The following TENM1 variants were observed in gnomAD, a reference collection of about 807,000 sequenced individuals.
The protein encoded by TENM1 is teneurin transmembrane protein 1.
Under a neutral mutation model 174.8 loss-of-function variants are expected in TENM1, and 35 were observed. The ratio of observed to expected loss-of-function variants is 0.20; its 90% CI spans 0.15 to 0.27. TENM1 has a LOEUF of 0.27. TENM1 is among the 10% of genes least tolerant of loss of function. The probability of loss-of-function intolerance (pLI) is 1.00; values close to 1 mark genes in which losing one functional copy is unlikely to be tolerated. For missense variants in TENM1, 1,633 were observed against 2,130.1 expected (o/e 0.77, Z 4.59); for synonymous variants, 781 against 798.7 (o/e 0.98, Z 0.37).
intron 6 of TENM1, among the ~76,000 whole-genome samples, chrX:124,662,325 G>C (rs772982225): frequency 9.2e-6 from 1 of 108,670 alleles, no homozygotes; most frequent in Non-Finnish European, 1.9e-5. Context: ...GTGGTGGTGC[G>C]CGCCTGTAAT....
chrX:125,138,780 C>T, the TENM1 span, among the ~76,000 whole-genome samples: 3 of 110,480 alleles, frequency 2.7e-5, no homozygotes, highest in Non-Finnish European at 5.7e-5. Context: ...CCAGTCTGCA[C>T]ATTTAAAATA....
chrX:124,674,360 C>T (rs1282677245), intron 5 of TENM1, among the ~76,000 whole-genome samples: 1 of 93,851 alleles, frequency 1.1e-5, no homozygotes, highest in East Asian at 3.7e-4. Context: ...TTTCGTATTT[C>T]TCTTTGTGTT....
At chrX:124,402,883 A>G in intron 27 of TENM1, among the ~76,000 whole-genome samples, 1 of 110,969 alleles carries the variant, frequency 9.0e-6, no homozygotes, top group Non-Finnish European at 1.9e-5. Flanking sequence ...AAATCAAGGC[A>G]TTTCTTAAAG....
At chrX:125,081,844 T>A in the TENM1 span, among the ~76,000 whole-genome samples, 1 of 111,152 alleles carries the variant, frequency 9.0e-6, no homozygotes, top group Non-Finnish European at 1.9e-5. Context: ...TTTGCAGCAA[T>A]ATGGATGGAA....
At chrX:124,979,458 T>TA in the TENM1 span, among the ~76,000 whole-genome samples, 1 of 111,901 alleles carries the variant, frequency 8.9e-6, no homozygotes, top group Non-Finnish European at 1.9e-5. Context: ...AAAGACTTAG[T>TA]AAAAAAATGT....
At chrX:124,859,484 C>A (rs953322828) in intron 3 of TENM1, among the ~76,000 whole-genome samples, 3 of 101,927 alleles carry the variant, frequency 2.9e-5, no homozygotes, top group Non-Finnish European at 5.9e-5. Context: ...GCAGAGGTTG[C>A]GGTGAGCCAA....
intron 3 of TENM1, among the ~76,000 whole-genome samples, chrX:124,830,858 A>C (rs2056273468): frequency 8.9e-6 from 1 of 112,126 alleles, no homozygotes; most frequent in Non-Finnish European, 1.9e-5. Context: ...GAACTCCACA[A>C]AACCTCTGCA....
At chrX:124,754,223 T>A (rs2054165439) in intron 3 of TENM1, among the ~76,000 whole-genome samples, 1 of 111,391 alleles carries the variant, frequency 9.0e-6, no homozygotes, top group Non-Finnish European at 1.9e-5. Flanking sequence ...TGGGAGGGTG[T>A]ATGTGTCGAG....
chrX:124,760,935 C>A (rs916179602), intron 3 of TENM1, among the ~76,000 whole-genome samples: 6 of 112,065 alleles, frequency 5.4e-5, no homozygotes, highest in Non-Finnish European at 9.4e-5. Context: ...CCAATAGACA[C>A]ATGAAAAAAT....
chrX:124,977,965 TGTGAGAGAGAGAGAGAGAGAGAGA>T, the TENM1 span, among the ~76,000 whole-genome samples: 7 of 14,633 alleles, frequency 4.8e-4, no homozygotes, highest in African/African-American at 1.1e-3. Context: ...TGTGTGTGTG[TGTGAGAGAGAGAGAGAGAGAGAGA>T]GAGAGAGAGA....
intron 1 of TENM1, among the ~76,000 whole-genome samples, chrX:124,929,759 A>T (rs1195487356): frequency 8.9e-6 from 1 of 111,987 alleles, no homozygotes; most frequent in African/African-American, 3.2e-5. Context: ...ATGCCTCAGA[A>T]TTACTATGGA....
At chrX:124,793,019 T>G (rs2055214938) in intron 3 of TENM1, among the ~76,000 whole-genome samples, 1 of 112,127 alleles carries the variant, frequency 8.9e-6, no homozygotes, top group South Asian at 3.7e-4. Context: ...TAACATACTT[T>G]TTTTCTATGG....
At chrX:125,122,623 T>C in the TENM1 span, among the ~76,000 whole-genome samples, 8 of 110,862 alleles carry the variant, frequency 7.2e-5, no homozygotes, top group Non-Finnish European at 1.3e-4. Flanking sequence ...GCACAGTTCT[T>C]TATCCTTTCC....
chrX:124,545,000 G>A, intron 15 of TENM1, among the ~76,000 whole-genome samples: 1 of 112,307 alleles, frequency 8.9e-6, no homozygotes, highest in Middle Eastern at 4.7e-3. Flanking sequence ...TATGATCAGA[G>A]TTGGACTTAT....
chrX:125,120,053 C>T, the TENM1 span, among the ~76,000 whole-genome samples: 1 of 111,313 alleles, frequency 9.0e-6, no homozygotes, highest in African/African-American at 3.3e-5. Flanking sequence ...GCCTTCAATA[C>T]TTCTACTACA....
intron 3 of TENM1, among the ~76,000 whole-genome samples, chrX:124,866,227 G>A (rs190308290): frequency 3.8e-4 from 43 of 111,843 alleles, no homozygotes; most frequent in African/African-American, 1.3e-3. Flanking sequence ...CTCAGCACAT[G>A]GATCATTCTC....
intron 1 of TENM1, among the ~76,000 whole-genome samples, chrX:124,911,122 C>T (rs1221250571): frequency 9.0e-6 from 1 of 110,597 alleles, no homozygotes; most frequent in Non-Finnish European, 1.9e-5. Context: ...TACTATGTTG[C>T]CCAGGCTGTT....
chrX:125,184,331 A>C, the TENM1 span, among the ~76,000 whole-genome samples: 1 of 110,470 alleles, frequency 9.1e-6, no homozygotes, highest in Non-Finnish European at 1.9e-5. Flanking sequence ...TTACCAAATT[A>C]AAAAAATTAT....
At chrX:124,923,622 A>G (rs1300481229) in intron 1 of TENM1, among the ~76,000 whole-genome samples, 2 of 112,202 alleles carry the variant, frequency 1.8e-5, no homozygotes, top group African/African-American at 6.5e-5. Context: ...AAAGTTAATA[A>G]TCCGTTGACA....
Sources: allele counts gnomAD v4.1 joint callset (sites outside exome capture counted in the v4.1 genomes callset), GRCh38; gene constraint gnomAD v4.1.1; transcripts MANE v1.5; gene names NCBI Gene and HGNC (gene_info 2026-07-23, HGNC 2026-07-21).